Variants in ZNF614 observed in about 807,000 individuals in gnomAD.
ZNF614 encodes the protein zinc finger protein 614.
A neutral mutation model predicts 12.8 loss-of-function variants in ZNF614; 11 were observed. The observed-to-expected ratio is 0.86, with a 90% CI of 0.54 to 1.43. ZNF614 has a LOEUF of 1.43. Among genes scored for constraint, ZNF614 ranks in the 40% most tolerant of loss-of-function variants. ZNF614 has a pLI of 0.00. For missense variants in ZNF614, 664 were observed against 708.8 expected, an observed-to-expected ratio of 0.94 and a Z score of 0.72; for synonymous variants, 237 against 237.5, an observed-to-expected ratio of 1.00 and a Z score of 0.02.
Position 52,016,854 on chromosome 19 carries a change from C to T in ZNF614, c.744G>A (p.Lys248=). ...EKLSRSVLFT[K]HLKTNTTDKI... is the part of the protein sequence containing the mutation. ...TGTCTGTTGTATTAGTTTTCAGATGCTTAGTGAACAGGACACTTCTGGATA... is the reference window on the plus strand; with the variant it reads ...TGTCTGTTGTATTAGTTTTCAGATGTTTAGTGAACAGGACACTTCTGGATA... Residue 248 remains lysine, a synonymous_variant, in exon 5 of 5, where the codon AAG becomes AAA. Transcript: ENST00000270649. 2 of 1,613,692 alleles carry T rather than the reference C, an allele frequency of 1.2e-6. No individual in the cohort carries two copies. Among genetic ancestry groups the T allele is most frequent in the Non-Finnish European group, 1.7e-6 (2 of 1,180,008 alleles).
intron 4 of ZNF614, 26 bp downstream of exon 4, chr19:52,017,982 C>T (rs1419705564): frequency 1.3e-6 from 2 of 1,567,728 alleles, no homozygotes; most frequent in East Asian, 2.2e-5. Flanking sequence ...CTCCTATAGC[C>T]ACTGTCCTTG....
At position 52,018,010 on chromosome 19, in the gene ZNF614, G is replaced by A. The variant is rs774846815; in HGVS notation, c.236C>T (p.Pro79Leu). ...TGTCCTTGCTGGTTCTCACTTACCTGGACAATTTTTATTCTGAATTTTAGC... is the reference window on the plus strand; with the variant it reads ...TGTCCTTGCTGGTTCTCACTTACCTAGACAATTTTTATTCTGAATTTTAGC... Reference protein sequence around the residue: ...TDAKIQNKNCPGIGKVDSHLQ... With the variant: ...TDAKIQNKNCLGIGKVDSHLQ... The change falls in exon 4 of 5, where the codon CCA becomes CTA. Residue 79 changes from proline (P) to leucine (L), a missense_variant and splice_region_variant. Transcript: ENST00000270649. 7 of 1,612,842 alleles carry A rather than the reference G, an allele frequency of 4.3e-6. No individual in the cohort carries two copies. Among genetic ancestry groups the A allele is most frequent in the Non-Finnish European group, 5.1e-6 (6 of 1,179,174 alleles).
intron 2 of ZNF614, among the ~76,000 whole-genome samples, chr19:52,020,820 C>A (rs961411508): frequency 6.6e-6 from 1 of 152,162 alleles, no homozygotes; most frequent in African/African-American, 2.4e-5. Flanking sequence ...CCATGAATGA[C>A]AGAGACACTC....
At chr19:52,023,895 A>T (rs1201847753) in intron 2 of ZNF614, among the ~76,000 whole-genome samples, 1 of 152,146 alleles carries the variant, frequency 6.6e-6, no homozygotes. Flanking sequence ...GACAGTTGGA[A>T]CTTTCAGTCT....
At position 52,015,994 on chromosome 19, in the gene ZNF614, C is replaced by T; in HGVS notation, c.1604G>A (p.Gly535Glu). The T allele has an allele frequency of 6.2e-7, 1 of 1,614,184 alleles. No homozygotes were observed. The highest frequency in any genetic ancestry group is 8.5e-7 in the Non-Finnish European group (1 of 1,180,026). Residue 535 changes from glycine (G) to glutamate (E), a missense_variant, in exon 5 of 5, where the codon GGA becomes GAA. Physicochemically the swap from Gly to Glu is moderately conservative, Grantham distance 98. Transcript: ENST00000270649. ...ATCACTGCATCCATACGGCCTCTCT[C>T]CTGTATGCGTTCTTTGATGTACATT... ...VLNVHQRTHT[G>E]ERPYGCSDCE...
Position 52,017,161 on chromosome 19 carries a change from T to C in ZNF614, c.437A>G (p.Gln146Arg), listed in dbSNP as rs2086904097. ...NLKSSLSLIN[Q>R]KRRHGINNPV... ...GTTATTTATTCCATGTCTTCTCTTC[T>C]GGTTGATTAAACTTAAACTTGATTT... The change falls in exon 5 of 5, where the codon CAG becomes CGG. Residue 146 changes from glutamine (Q) to arginine (R), a missense_variant. By Grantham distance (43) the Gln-to-Arg change is conservative (BLOSUM62 1). Coordinates refer to ENST00000270649, the MANE Select transcript of ZNF614 (RefSeq NM_025040.4). 4 of 1,614,226 alleles carry C rather than the reference T, an allele frequency of 2.5e-6. No homozygotes were observed. The highest frequency in any genetic ancestry group is 2.2e-5 in the East Asian group (1 of 44,876).
In ZNF614 at chr19:52,014,873, T is replaced by C. The variant is rs1055736090; in HGVS notation, c.*967A>G. On this transcript the variant is annotated 3_prime_UTR_variant, in exon 5 of 5. Transcript: ENST00000270649. Reference sequence around the variant, plus strand: ...AGGTGTAATTAAAAGGGCAGTGCTATGAATAACAACAACAGCAAAAACAAA... The same window carrying C: ...AGGTGTAATTAAAAGGGCAGTGCTACGAATAACAACAACAGCAAAAACAAA... The C allele has an allele frequency of 2.6e-5, 4 of 152,226 alleles. No homozygotes were observed. The highest frequency in any genetic ancestry group is 9.7e-5 in the African/African-American group (4 of 41,440). The allele number at this position is 152,226 out of a possible 1,614,324, so 9.4% of individuals were successfully genotyped here.
At chr19:52,020,848 AAGGGTTTAGAGGT>A (rs1440692652) in intron 2 of ZNF614, among the ~76,000 whole-genome samples, 2 of 152,290 alleles carry the variant, frequency 1.3e-5, no homozygotes, top group East Asian at 3.9e-4. Context: ...GGGTAATTAC[AAGGGTTTAGAGGT>A]TACCTCCCAG....
chr19:52,020,667 G>A (rs1009185872), intron 2 of ZNF614, among the ~76,000 whole-genome samples: 1 of 152,154 alleles, frequency 6.6e-6, no homozygotes, highest in African/African-American at 2.4e-5. Context: ...ATGGCTCAAA[G>A]CCACAACTCT....
intron 2 of ZNF614, among the ~76,000 whole-genome samples, chr19:52,024,612 G>GCCCTAAC (rs2086958641): frequency 1.3e-5 from 2 of 152,208 alleles, no homozygotes; most frequent in Non-Finnish European, 2.9e-5. Flanking sequence ...TGTAACCGTA[G>GCCCTAAC]CCCTAACCCT....
At position 52,025,679 on chromosome 19, in the gene ZNF614, G is replaced by T; in HGVS notation, c.15+52C>A. 4 of 1,603,128 alleles carry T rather than the reference G, an allele frequency of 2.5e-6. No individual in the cohort carries two copies. The South Asian group carries it at 3.3e-5, about 13-fold the overall frequency. On this transcript the variant is annotated intron_variant, in intron 2 of 4. Transcript: ENST00000270649. Reference sequence around the variant, plus strand: ...AGTATATACTTCCTTAAGTTCAACTGACTTCTTCAGGCCACCATAAATCTA... The same window carrying T: ...AGTATATACTTCCTTAAGTTCAACTTACTTCTTCAGGCCACCATAAATCTA...
rs113525036 is a variant in ZNF614 at position 52,020,989 on chromosome 19, C to T, written c.16-2495G>A. Among the ~76,000 whole-genome samples, 9 of 152,288 alleles carry T rather than the reference C, an allele frequency of 5.9e-5. No homozygotes were observed. The South Asian group carries it at 1.5e-3, about 25-fold the overall frequency. ...AAGCTTGTTTCTAAAGAAAAGAATA[C>T]AGCAAAAGTGACAAGATGCCACTTT... On this transcript the variant is annotated intron_variant, in intron 2 of 4. Coordinates refer to ENST00000270649, the MANE Select transcript of ZNF614 (RefSeq NM_025040.4).
At chr19:52,020,921 T>C (rs780468092) in intron 2 of ZNF614, among the ~76,000 whole-genome samples, 36 of 152,240 alleles carry the variant, frequency 2.4e-4, no homozygotes, top group Admixed American at 1.3e-4. Flanking sequence ...TAGGTGTTCC[T>C]GCCCCTGTGC....
In ZNF614 at chr19:52,025,624, G is replaced by GTTAATTTCTCCCTAGAACACAA; in HGVS notation, c.15+85_15+106dup. On this transcript the variant is annotated intron_variant, in intron 2 of 4. Transcript: ENST00000270649. The stretch of plus-strand genomic sequence containing the variant: ...ACCTCTACTCCCAAAAGCAATGTAA[G>GTTAATTTCTCCCTAGAACACAA]TTAATTTCTCCCTAGAACACAATTA... 2.3e-6 allele frequency: 3 copies of GTTAATTTCTCCCTAGAACACAA among 1,308,342 alleles called. No individual in the cohort carries two copies. The South Asian group carries it at 3.8e-5, about 17-fold the overall frequency. The allele number at this position is 1,308,342 out of a possible 1,614,324, so 81.0% of individuals were successfully genotyped here. A position where few individuals can be genotyped will look rare whatever the true frequency, so the allele number is the denominator to read the frequency against.
intron 2 of ZNF614, among the ~76,000 whole-genome samples, chr19:52,024,683 A>G (rs928475236): frequency 6.6e-6 from 1 of 152,176 alleles, no homozygotes; most frequent in Non-Finnish European, 1.5e-5. Flanking sequence ...GCTATGCAGA[A>G]TGTCCTTTGT....
Position 52,016,751 on chromosome 19 carries a change from C to T in ZNF614, c.847G>A (p.Glu283Lys), listed in dbSNP as rs1395096591. 1 of 1,614,030 alleles carries T rather than the reference C, an allele frequency of 6.2e-7. No homozygotes were observed. The highest frequency in any genetic ancestry group is 1.1e-5 in the South Asian group (1 of 91,086). Residue 283 changes from glutamate to lysine, a missense_variant, in exon 5 of 5, where the codon GAA becomes AAA. Coordinates refer to ENST00000270649, the MANE Select transcript of ZNF614 (RefSeq NM_025040.4). ...TCACTGCACATATAGGATTTCTCTT[C>T]TGTATGGGTTTGTTGATGTGTAATG... The part of the protein sequence containing the change: ...SLITHQQTHT[E>K]EKSYMCSECG...
chr19:52,025,966 T>C lies in ZNF614; in HGVS notation c.-216-5A>G, dbSNP rs2086969241. The C allele has an allele frequency of 3.7e-6, 2 of 540,206 alleles. No homozygotes were observed. Among genetic ancestry groups the C allele is most frequent in the Non-Finnish European group, 6.6e-6 (2 of 302,334 alleles). 33.5% of individuals were successfully genotyped at this position (540,206 alleles called of 1,614,324 possible). On this transcript the variant is annotated splice_polypyrimidine_tract_variant and splice_region_variant and intron_variant, in intron 1 of 4. Coordinates refer to ENST00000270649, the MANE Select transcript of ZNF614 (RefSeq NM_025040.4). ...CTGGGAGCCAGGACCTGAGGACTGA[T>C]AAACAAAATGGCTTTCAGTGTACAT...
At chr19:52,025,256 G>A (rs908075531) in intron 2 of ZNF614, among the ~76,000 whole-genome samples, 2 of 152,184 alleles carry the variant, frequency 1.3e-5, no homozygotes, top group African/African-American at 4.8e-5. Context: ...GGTGATTCAT[G>A]TATCATTGTA....
chr19:52,020,610 T>C (rs73052099), intron 2 of ZNF614, among the ~76,000 whole-genome samples: 17,467 of 152,244 alleles, frequency 0.11, 1,217 homozygotes, highest in South Asian at 0.26. Context: ...ATTGCCCATG[T>C]AGCTGAGTTC....
Sources: allele counts gnomAD v4.1 joint callset (sites outside exome capture counted in the v4.1 genomes callset), GRCh38; gene constraint gnomAD v4.1.1; transcripts MANE v1.5; gene names NCBI Gene and HGNC (gene_info 2026-07-23, HGNC 2026-07-21).